The following SETDB2 variants were observed in gnomAD, a reference collection of about 807,000 sequenced individuals.
SETDB2 encodes the protein histone-lysine N-methyltransferase SETDB2.
Under a neutral mutation model 82.5 loss-of-function variants are expected in SETDB2, and 56 were observed. The observed-to-expected ratio is 0.68, with a 90% confidence interval of 0.55 to 0.85. The LOEUF (loss-of-function observed/expected upper bound fraction) is 0.85. SETDB2 is among the 40% of genes least tolerant of loss of function. The pLI is 0.00. For missense variants in SETDB2, 677 were observed against 816.4 expected, an observed-to-expected ratio of 0.83 and a Z score of 2.08; for synonymous variants, 272 against 284.9, an observed-to-expected ratio of 0.95 and a Z score of 0.46.
In SETDB2 at chr13:49,476,778, A is replaced by G. The variant is rs1322252407; in HGVS notation, c.608A>G (p.Asn203Ser). 9.9e-6 allele frequency: 16 copies of G among 1,613,642 alleles called. No homozygotes were observed. Among genetic ancestry groups the G allele is most frequent in the Middle Eastern group, 1.6e-4 (1 of 6,082 alleles). ...VFRYLLETECNFLFTDNFSFN... is the reference protein window; with the variant it reads ...VFRYLLETECSFLFTDNFSFN... Reference sequence around the variant, plus strand: ...CGTTACCTGCTTGAGACAGAGTGTAACTTTTTATTTACAGATAACTTTTCT... The same window carrying G: ...CGTTACCTGCTTGAGACAGAGTGTAGCTTTTTATTTACAGATAACTTTTCT... Residue 203 changes from asparagine (N) to serine (S), a missense_variant, in exon 6 of 14, where the codon AAC (asparagine) becomes AGC (serine). By Grantham distance (46) the Asn-to-Ser change is conservative (BLOSUM62 1). Coordinates refer to ENST00000611815, the MANE Select transcript of SETDB2 (RefSeq NM_001160308.3).
chr13:49,483,006 C>A, intron 9 of SETDB2, 44 bp downstream of exon 9: 1 of 1,185,248 alleles, frequency 8.4e-7, no homozygotes, highest in South Asian at 1.4e-5. Flanking sequence ...AAATTATTAT[C>A]AATCAATTGG....
Position 49,460,093 on chromosome 13 carries a change from T to A in SETDB2, c.17-14T>A. 6.2e-7 allele frequency: 1 copy of A among 1,607,430 alleles called. No individual in the cohort carries two copies. The highest frequency in any genetic ancestry group is 1.3e-5 in the African/African-American group (1 of 74,550). On this transcript the variant is annotated splice_polypyrimidine_tract_variant and intron_variant, in intron 2 of 13. Coordinates refer to ENST00000611815, the MANE Select transcript of SETDB2 (RefSeq NM_001160308.3). ...TCTATTAGCTCTTAGGCTAGTCACT[T>A]ATTTTTATTTTAGGCGATGCAAAAA...
In SETDB2 at chr13:49,455,527, T is replaced by G. The variant is rs115992155; in HGVS notation, c.16+3618T>G. On this transcript the variant is annotated intron_variant, in intron 2 of 13. Transcript: ENST00000611815. The stretch of plus-strand genomic sequence containing the variant: ...TAATCATATAATTTTAAAATCACAT[T>G]TGTTAATATAGCTACTGATCTCATT... 8.5e-3 allele frequency among the ~76,000 whole-genome samples: 1,294 copies of G among 152,256 alleles called. 19 individuals carry two copies. Among genetic ancestry groups the G allele is most frequent in the African/African-American group, 0.027 (1,126 of 41,564 alleles).
chr13:49,481,967 A>G, intron 8 of SETDB2: 1 of 719,846 alleles, frequency 1.4e-6, no homozygotes, highest in Non-Finnish European at 1.7e-6. Flanking sequence ...CAGGGAGGGC[A>G]AGAAGAAGCT....
chr13:49,454,617 C>A (rs1957846770), intron 2 of SETDB2, among the ~76,000 whole-genome samples: 1 of 152,202 alleles, frequency 6.6e-6, no homozygotes. Flanking sequence ...CAGTTAGATT[C>A]TCTTCATAGT....
intron 5 of SETDB2, among the ~76,000 whole-genome samples, chr13:49,469,517 A>T (rs914792370): frequency 1.3e-5 from 2 of 152,100 alleles, no homozygotes; most frequent in African/African-American, 4.8e-5. Flanking sequence ...TTTAAATTCA[A>T]AATATTTAGA....
intron 5 of SETDB2, among the ~76,000 whole-genome samples, chr13:49,469,851 G>C (rs1390875835): frequency 2.0e-5 from 3 of 152,036 alleles, no homozygotes; most frequent in Non-Finnish European, 4.4e-5. Context: ...CAACTTGAGA[G>C]CCATACTTAA....
chr13:49,488,110 C>A, intron 11 of SETDB2, 180 bp from the exon 12 acceptor site: 1 of 501,522 alleles, frequency 2.0e-6, no homozygotes, highest in Non-Finnish European at 2.6e-6. Flanking sequence ...TATTGTGGGT[C>A]AGATGAATTC....
intron 11 of SETDB2, 114 bp from the exon 12 acceptor site, chr13:49,488,176 A>G: frequency 7.1e-7 from 1 of 1,416,572 alleles, no homozygotes; most frequent in Non-Finnish European, 9.3e-7. Flanking sequence ...TACCTGCCTA[A>G]CACATTGTAA....
chr13:49,485,693 C>T lies in SETDB2; in HGVS notation c.1546C>T (p.His516Tyr), dbSNP rs746320918. ...DNDGFKPPRE[H>Y]LNSKTKGAQK... ...TGATGGATTTAAACCACCCCGAGAG[C>T]ATCTGAACTCTAAAACCAAGGGAGC... Residue 516 changes from histidine (H) to tyrosine (Y), a missense_variant, in exon 11 of 14, where the codon CAT becomes TAT. By Grantham distance (83) the His-to-Tyr change is moderately conservative. Transcript: ENST00000611815. 4.3e-6 allele frequency: 7 copies of T among 1,614,090 alleles called. No homozygotes were observed. In the East Asian group the frequency reaches 1.6e-4, roughly 36 times the overall value.
At position 49,447,757 on chromosome 13, in the gene SETDB2, G is replaced by A. The variant is rs909826944; in HGVS notation, c.-342+2900G>A. On this transcript the variant is annotated intron_variant, in intron 1 of 13. Coordinates refer to ENST00000611815, the MANE Select transcript of SETDB2 (RefSeq NM_001160308.3). ...GTAATACATTCTTATTCTACTGCTG[G>A]ATACCTTTATTCAGTATTTTTGTGT... Among the ~76,000 whole-genome samples the A allele has an allele frequency of 2.0e-5, 3 of 152,048 alleles. No homozygotes were observed. The South Asian group carries it at 6.2e-4, about 32-fold the overall frequency.
chr13:49,461,725 A>C (rs1447863885), intron 4 of SETDB2, among the ~76,000 whole-genome samples: 1 of 152,168 alleles, frequency 6.6e-6, no homozygotes, highest in Non-Finnish European at 1.5e-5. Flanking sequence ...TCTAAAATTT[A>C]ATTCAGTTCT....
intron 2 of SETDB2, among the ~76,000 whole-genome samples, chr13:49,456,203 T>A (rs1957878278): frequency 6.6e-6 from 1 of 152,164 alleles, no homozygotes; most frequent in Non-Finnish European, 1.5e-5. Context: ...ACCAATACCC[T>A]ATAAGCCCCT....
intron 12 of SETDB2, among the ~76,000 whole-genome samples, 158 bp downstream of exon 12, chr13:49,488,788 G>C (rs1335993606): frequency 2.6e-5 from 4 of 152,138 alleles, no homozygotes; most frequent in Non-Finnish European, 5.9e-5. Context: ...CTTGACCTCT[G>C]ATACCTCATT....
At chr13:49,455,049 T>G (rs146290764) in intron 2 of SETDB2, among the ~76,000 whole-genome samples, 172 of 152,316 alleles carry the variant, frequency 1.1e-3, no homozygotes, top group African/African-American at 3.9e-3. Flanking sequence ...GTTGAAAATA[T>G]AAATAGAAAC....
At position 49,461,175 on chromosome 13, in the gene SETDB2, C is replaced by T; in HGVS notation, c.208+13C>T. On this transcript the variant is annotated intron_variant, in intron 4 of 13. Coordinates refer to ENST00000611815, the MANE Select transcript of SETDB2 (RefSeq NM_001160308.3). ...ACATCAATAAAGGGTATGTACATCT[C>T]TATTCCCATTGTAGAGTATTCTCTG... 6.4e-7 allele frequency: 1 copy of T among 1,558,986 alleles called. No homozygotes were observed. Among genetic ancestry groups the T allele is most frequent in the African/African-American group, 1.4e-5 (1 of 73,846 alleles).
At chr13:49,489,596 C>CTTTT (rs58715452) in intron 12 of SETDB2, among the ~76,000 whole-genome samples, 1,212 of 100,552 alleles carry the variant, frequency 0.012, 118 homozygotes, top group African/African-American at 0.039. Flanking sequence ...CATATTTATT[C>CTTTT]TTTTTTTTTT....
chr13:49,483,474 TATG>T lies in SETDB2; in HGVS notation c.1396_1398del (p.Asp466del), dbSNP rs1380655338. On this transcript the variant is annotated inframe_deletion, in exon 10 of 14. Coordinates refer to ENST00000611815, the MANE Select transcript of SETDB2 (RefSeq NM_001160308.3). ...TTTTTTCCTTTTTAGGGAAACGAAA[TATG>T]ATAATATTTCAAGAATTCAATATCA... 7.3e-7 allele frequency: 1 copy of T among 1,367,318 alleles called. No individual in the cohort carries two copies. The highest frequency in any genetic ancestry group is 9.9e-7 in the Non-Finnish European group (1 of 1,005,130). The allele number at this position is 1,367,318 out of a possible 1,614,324, so 84.7% of individuals were successfully genotyped here.
intron 11 of SETDB2, 154 bp downstream of exon 11, chr13:49,485,877 T>C (rs1958588003): frequency 3.8e-6 from 3 of 796,320 alleles, no homozygotes; most frequent in South Asian, 2.7e-5. Context: ...CAGCAAAATA[T>C]CGTGTGTGGG....
Sources: gnomAD v4.1 joint callset for allele counts (sites outside exome capture counted in the v4.1 genomes callset) on GRCh38, gnomAD v4.1.1 for gene constraint, MANE v1.5 for transcripts, NCBI Gene and HGNC (gene_info 2026-07-23, HGNC 2026-07-21) for gene names.